KBTBD8: variants seen among roughly 807,000 people sequenced by gnomAD.
The protein encoded by KBTBD8 is kelch repeat and BTB domain containing 8.
In KBTBD8, 31 loss-of-function variants were observed where a neutral mutation model predicts 53.5. That is an observed-to-expected ratio of 0.58 (90% CI 0.44 to 0.78). The LOEUF (loss-of-function observed/expected upper bound fraction) is 0.78. Ranked by LOEUF, KBTBD8 falls within the 30% of genes least tolerant of loss-of-function variation. KBTBD8 has a pLI of 0.00. For missense variants in KBTBD8, 642 were observed against 735.8 expected, an observed-to-expected ratio of 0.87 and a Z score of 1.48; for synonymous variants, 250 against 247.3, an observed-to-expected ratio of 1.01 and a Z score of -0.10.
chr3:66,999,682 T>C (rs1701999224), intron 2 of KBTBD8, among the ~76,000 whole-genome samples: 1 of 152,186 alleles, frequency 6.6e-6, no homozygotes, highest in Admixed American at 6.5e-5. Flanking sequence ...AAGTTATCCA[T>C]AATGCATGTT....
Position 67,009,896 on chromosome 3 carries a change from T to G in KBTBD8, c.*1511T>G, listed in dbSNP as rs1702102194. ...TCGTATTTTAAAAATCTTGCACAAA[T>G]TGTAATGTGATACTGTGAAACAAAT... On this transcript the variant is annotated 3_prime_UTR_variant, in exon 4 of 4. Coordinates refer to ENST00000417314, the MANE Select transcript of KBTBD8 (RefSeq NM_032505.3). The G allele has an allele frequency of 6.6e-6, 1 of 152,640 alleles. No individual in the cohort carries two copies. Among genetic ancestry groups the G allele is most frequent in the African/African-American group, 2.4e-5 (1 of 41,472 alleles). The allele number at this position is 152,640 out of a possible 1,614,324, so 9.5% of individuals were successfully genotyped here. A position where few individuals can be genotyped will look rare whatever the true frequency, so the allele number is the denominator to read the frequency against.
rs79818668 is a variant in KBTBD8 at position 67,007,766 on chromosome 3, A to G, written c.1343-156A>G. Among the ~76,000 whole-genome samples the G allele has an allele frequency of 5.9e-3, 895 of 152,310 alleles. 28 individuals carry two copies. The East Asian group carries it at 0.11, about 19-fold the overall frequency. On this transcript the variant is annotated intron_variant, in intron 3 of 3. Transcript: ENST00000417314. Reference sequence around the variant, plus strand: ...AGTTTTAAGGTATTTTGTAACCCATATGAATGTATCTCTGGAGATTATAAA... The same window carrying G: ...AGTTTTAAGGTATTTTGTAACCCATGTGAATGTATCTCTGGAGATTATAAA...
In KBTBD8 at chr3:66,998,346, C is replaced by G; in HGVS notation, c.-10C>G. On this transcript the variant is annotated 5_prime_UTR_variant, in exon 1 of 4. Transcript: ENST00000417314. ...TTTTTAAATAGCTGGAGTCGGGGCC[C>G]CATCGAGAAATGGCCGCGTCGGCAG... The G allele has an allele frequency of 1.5e-6, 2 of 1,295,152 alleles. No individual in the cohort carries two copies. Among genetic ancestry groups the G allele is most frequent in the Non-Finnish European group, 9.9e-7 (1 of 1,013,154 alleles). 80.2% of individuals were successfully genotyped at this position (1,295,152 alleles called of 1,614,324 possible).
chr3:66,999,230 A>G (rs775785312), intron 2 of KBTBD8, 39 bp downstream of exon 2: 2 of 1,487,564 alleles, frequency 1.3e-6, no homozygotes, highest in African/African-American at 2.8e-5. Flanking sequence ...TATCTGCACC[A>G]AGCTCCCTTT....
In KBTBD8 at chr3:67,010,658, T is replaced by C. The variant is rs1173063510; in HGVS notation, c.*2273T>C. 2.6e-5 allele frequency: 4 copies of C among 152,622 alleles called. No individual in the cohort carries two copies. The highest frequency in any genetic ancestry group is 5.9e-5 in the Non-Finnish European group (4 of 68,034). The allele number at this position is 152,622 out of a possible 1,614,324, so 9.5% of individuals were successfully genotyped here. On this transcript the variant is annotated 3_prime_UTR_variant, in exon 4 of 4. Coordinates refer to ENST00000417314, the MANE Select transcript of KBTBD8 (RefSeq NM_032505.3). ...ATATTTTGCCACTGTTAAAATGGATTCAGAAGAGGTCCTAGAAAAGTAAGA... is the reference window on the plus strand; with the variant it reads ...ATATTTTGCCACTGTTAAAATGGATCCAGAAGAGGTCCTAGAAAAGTAAGA...
chr3:67,007,509 G>C (rs961009330), intron 3 of KBTBD8, among the ~76,000 whole-genome samples: 1 of 151,914 alleles, frequency 6.6e-6, no homozygotes, highest in African/African-American at 2.4e-5. Flanking sequence ...AATGGAGATG[G>C]GGTTTCACCA....
intron 2 of KBTBD8, among the ~76,000 whole-genome samples, chr3:67,002,009 GT>G (rs774153544): frequency 2.8e-4 from 42 of 152,222 alleles, no homozygotes; most frequent in Middle Eastern, 3.4e-3. Context: ...GCTGCTTAAT[GT>G]TTCGGTCAAG....
chr3:66,998,509 A>T (rs1202887805), intron 1 of KBTBD8, 138 bp downstream of exon 1: 81 of 702,890 alleles, frequency 1.2e-4, no homozygotes, highest in South Asian at 3.5e-4. Flanking sequence ...GAATGAGAAG[A>T]GGGAGGATGA....
chr3:67,008,117 A>G lies in KBTBD8; in HGVS notation c.1538A>G (p.Lys513Arg), dbSNP rs1402035716. Reference protein sequence around the residue: ...DIELNKWTRKKDFPCDQSINP... With the variant: ...DIELNKWTRKRDFPCDQSINP... ...GAGCTAAATAAATGGACTCGTAAGA[A>G]AGACTTTCCATGTGATCAGTCCATA... Residue 513 changes from lysine (K) to arginine (R), a missense_variant, in exon 4 of 4, where the codon AAA becomes AGA. Coordinates refer to ENST00000417314, the MANE Select transcript of KBTBD8 (RefSeq NM_032505.3). 1.9e-6 allele frequency: 3 copies of G among 1,614,140 alleles called. No individual in the cohort carries two copies. Among genetic ancestry groups the G allele is most frequent in the Non-Finnish European group, 2.5e-6 (3 of 1,180,014 alleles).
At chr3:67,000,073 A>G (rs1390208833) in intron 2 of KBTBD8, among the ~76,000 whole-genome samples, 1 of 152,248 alleles carries the variant, frequency 6.6e-6, no homozygotes, top group Non-Finnish European at 1.5e-5. Flanking sequence ...TAGTAAAGTT[A>G]TCAACCACAC....
Position 67,008,060 on chromosome 3 carries a change from A to C in KBTBD8, c.1481A>C (p.Gln494Pro). The C allele has an allele frequency of 6.2e-7, 1 of 1,614,126 alleles. No individual in the cohort carries two copies. Among genetic ancestry groups the C allele is most frequent in the Non-Finnish European group, 8.5e-7 (1 of 1,179,996 alleles). Residue 494 changes from glutamine (Q) to proline (P), a missense_variant, in exon 4 of 4, where the codon CAA (glutamine) becomes CCA (proline). Gln to Pro is a moderately conservative substitution (Grantham distance 76, BLOSUM62 -1). Coordinates refer to ENST00000417314, the MANE Select transcript of KBTBD8 (RefSeq NM_032505.3). ...ATAGCTGGAACCTGTGGAAATCATC[A>C]ACGTATGTTTACTGTAGAAGCCTAT... ...YYIAGTCGNH[Q>P]RMFTVEAYDI...
intron 2 of KBTBD8, among the ~76,000 whole-genome samples, chr3:67,001,238 G>A (rs1429617971): frequency 2.0e-5 from 3 of 152,248 alleles, no homozygotes; most frequent in African/African-American, 4.8e-5. Context: ...TGGTACCAGC[G>A]CTGCTTCCTG....
chr3:67,004,547 C>T (rs1702047748), intron 3 of KBTBD8, among the ~76,000 whole-genome samples: 1 of 152,134 alleles, frequency 6.6e-6, no homozygotes, highest in South Asian at 2.1e-4. Flanking sequence ...GATTTTGTGT[C>T]TTGATATCAT....
intron 2 of KBTBD8, among the ~76,000 whole-genome samples, chr3:66,999,616 G>C (rs1024524117): frequency 6.6e-6 from 1 of 152,228 alleles, no homozygotes; most frequent in African/African-American, 2.4e-5. Flanking sequence ...CAGAAATACA[G>C]CATTTTCATC....
Position 67,008,397 on chromosome 3 carries a change from G to A in KBTBD8, c.*12G>A, listed in dbSNP as rs1295754023. ...AGAAAGTACTCTAAATGAGTAGCAGGCCTTAGTGCATCACTGGCATCTCAT... is the reference window on the plus strand; with the variant it reads ...AGAAAGTACTCTAAATGAGTAGCAGACCTTAGTGCATCACTGGCATCTCAT... On this transcript the variant is annotated 3_prime_UTR_variant, in exon 4 of 4. Coordinates refer to ENST00000417314, the MANE Select transcript of KBTBD8 (RefSeq NM_032505.3). 2 of 1,535,222 alleles carry A rather than the reference G, an allele frequency of 1.3e-6. No homozygotes were observed.
At chr3:67,005,453 A>G (rs1443005371) in intron 3 of KBTBD8, among the ~76,000 whole-genome samples, 1 of 152,194 alleles carries the variant, frequency 6.6e-6, no homozygotes, top group African/African-American at 2.4e-5. Context: ...GTACAGTCAC[A>G]TGCTGTACAG....
intron 3 of KBTBD8, among the ~76,000 whole-genome samples, chr3:67,005,899 C>T (rs1702061135): frequency 6.6e-6 from 1 of 152,056 alleles, no homozygotes; most frequent in African/African-American, 2.4e-5. Context: ...CTGCAGTGAT[C>T]CACCCACCTT....
intron 3 of KBTBD8, 24 bp from the exon 4 acceptor site, chr3:67,007,898 T>A: frequency 7.4e-7 from 1 of 1,351,210 alleles, no homozygotes; most frequent in South Asian, 1.4e-5. Flanking sequence ...TTACATATTC[T>A]TGTTTTCTTT....
chr3:67,004,190 T>A lies in KBTBD8; in HGVS notation c.1223T>A (p.Leu408Gln), dbSNP rs550208103. The A allele has an allele frequency of 6.2e-7, 1 of 1,614,198 alleles. No individual in the cohort carries two copies. Among genetic ancestry groups the A allele is most frequent in the East Asian group, 2.2e-5 (1 of 44,888 alleles). ...RVYEGDGRNS[L>Q]KSVECYDSRE... is the part of the protein sequence containing the mutation. ...TATGAAGGTGATGGGAGAAACTCAC[T>A]AAAATCTGTTGAGTGCTACGACAGT... The change falls in exon 3 of 4, where the codon CTA becomes CAA. Residue 408 changes from leucine to glutamine, a missense_variant. Coordinates refer to ENST00000417314, the MANE Select transcript of KBTBD8 (RefSeq NM_032505.3).
Sources: gnomAD v4.1 joint callset for allele counts (sites outside exome capture counted in the v4.1 genomes callset) on GRCh38, gnomAD v4.1.1 for gene constraint, MANE v1.5 for transcripts, NCBI Gene and HGNC (gene_info 2026-07-23, HGNC 2026-07-21) for gene names.